Variants in ZNF233 observed in about 807,000 individuals in gnomAD.
ZNF233 encodes the protein zinc finger protein 233.
ZNF233 carries 7 observed loss-of-function variants against 11.6 expected under a neutral mutation model. The observed-to-expected ratio is 0.60, with a 90% CI of 0.34 to 1.13. The LOEUF is 1.13. Ranked by LOEUF, ZNF233 falls within the 50% of genes most tolerant of loss-of-function variation. ZNF233 has a pLI of 0.03. For missense variants in ZNF233, 711 were observed against 785.5 expected (o/e 0.91, Z 1.13); for synonymous variants, 226 against 268.5 (o/e 0.84, Z 1.55).
chr19:44,271,642 C>T (rs911382886), intron 4 of ZNF233, among the ~76,000 whole-genome samples: 2 of 151,816 alleles, frequency 1.3e-5, no homozygotes, highest in East Asian at 2.0e-4. Flanking sequence ...CCCGAGTAGC[C>T]GGGACTACAG....
chr19:44,274,217 G>C lies in ZNF233; in HGVS notation c.1557G>C (p.Gln519His). The C allele has an allele frequency of 1.2e-6, 2 of 1,606,624 alleles. No individual in the cohort carries two copies. Among genetic ancestry groups the C allele is most frequent in the Non-Finnish European group, 1.7e-6 (2 of 1,174,024 alleles). ...ACACATGTGGGAAGGACTTCAGTCA[G>C]ATCTCTCATCTTCAGGCCCATCAGA... Reference protein sequence around the residue: ...KCDTCGKDFSQISHLQAHQRV... With the variant: ...KCDTCGKDFSHISHLQAHQRV... The change falls in exon 5 of 5, where the codon CAG becomes CAC. Residue 519 changes from glutamine (Q) to histidine (H), a missense_variant. Gln to His is a conservative substitution (Grantham distance 24). Coordinates refer to ENST00000683810, the MANE Select transcript of ZNF233 (RefSeq NM_001207005.2).
rs749409955 is a variant in ZNF233, at chr19:44,263,120, CCA to C, written c.-47-1191_-47-1190del. On this transcript the variant is annotated intron_variant, in intron 1 of 4. Transcript: ENST00000683810. ...ACTTATTGAGAGCTTATATAATGTG[CCA>C]CAGACAGAACCAAGGCTTTTACCCC... Among the ~76,000 whole-genome samples, 6 of 152,204 alleles carry C rather than the reference CCA, an allele frequency of 3.9e-5. No individual in the cohort carries two copies. The East Asian group carries it at 9.6e-4, about 24-fold the overall frequency.
At chr19:44,261,901 C>T (rs145988306) in intron 1 of ZNF233, among the ~76,000 whole-genome samples, 5,523 of 152,178 alleles carry the variant, frequency 0.036, 176 homozygotes, top group South Asian at 0.083. Context: ...ATCTGCCTGC[C>T]TTGACCTCCT....
At chr19:44,266,828 T>A (rs777635709) in intron 3 of ZNF233, 38 bp from the exon 4 acceptor site, 1 of 1,500,798 alleles carries the variant, frequency 6.7e-7, no homozygotes, top group Admixed American at 1.8e-5. Context: ...TTGACTATAA[T>A]GCATTCACTT....
intron 4 of ZNF233, chr19:44,267,325 T>G: frequency 5.0e-6 from 2 of 400,304 alleles, no homozygotes; most frequent in East Asian, 7.1e-5. Flanking sequence ...AAGACTGCTG[T>G]GTGTTTCTTA....
At chr19:44,260,433 C>G (rs985440494) in intron 1 of ZNF233, among the ~76,000 whole-genome samples, 2 of 151,806 alleles carry the variant, frequency 1.3e-5, no homozygotes, top group African/African-American at 4.9e-5. Flanking sequence ...GCAGTGGGTT[C>G]TGAGCTCCAG....
Position 44,261,726 on chromosome 19 carries a change from A to T in ZNF233, c.-48+1788A>T, listed in dbSNP as rs1027854154. Reference sequence around the variant, plus strand: ...GAGTGCAGTGGCACGATCTCAGCTCACTGCAACCTCCCACTCCCAGGTTCA... The same window carrying T: ...GAGTGCAGTGGCACGATCTCAGCTCTCTGCAACCTCCCACTCCCAGGTTCA... On this transcript the variant is annotated intron_variant, in intron 1 of 4. Transcript: ENST00000683810. 3.6e-5 allele frequency among the ~76,000 whole-genome samples: 5 copies of T among 139,488 alleles called. No homozygotes were observed. In the East Asian group the frequency reaches 6.3e-4, roughly 18 times the overall value. 91.5% of individuals were successfully genotyped at this position (139,488 alleles called of 152,430 possible).
rs754581888 is a variant in ZNF233 at position 44,272,951 on chromosome 19, C to G, written c.291C>G (p.Phe97Leu). 2 of 1,609,232 alleles carry G rather than the reference C, an allele frequency of 1.2e-6. No individual in the cohort carries two copies. The highest frequency in any genetic ancestry group is 1.7e-6 in the Non-Finnish European group (2 of 1,178,880). ...IDTLQEVRLR[F>L]LSYEDLICWQ... Reference sequence around the variant, plus strand: ...CCCTTCAAGAAGTAAGATTAAGATTCCTTTCATATGAAGACCTTATATGCT... The same window carrying G: ...CCCTTCAAGAAGTAAGATTAAGATTGCTTTCATATGAAGACCTTATATGCT... Residue 97 changes from phenylalanine (F) to leucine (L), a missense_variant, in exon 5 of 5, where the codon TTC becomes TTG. Coordinates refer to ENST00000683810, the MANE Select transcript of ZNF233 (RefSeq NM_001207005.2).
chr19:44,264,438 T>A, intron 2 of ZNF233, 63 bp downstream of exon 2: 1 of 1,464,516 alleles, frequency 6.8e-7, no homozygotes, highest in Non-Finnish European at 9.4e-7. Flanking sequence ...GATTAGACAC[T>A]TTTTTTTCTC....
Position 44,274,406 on chromosome 19 carries a change from T to C in ZNF233, c.1746T>C (p.His582=), listed in dbSNP as rs945627970. The C allele has an allele frequency of 5.6e-6, 9 of 1,614,022 alleles. No individual in the cohort carries two copies. In the African/African-American group the frequency reaches 9.3e-5, roughly 17 times the overall value. Residue 582 remains histidine (H), a synonymous_variant, in exon 5 of 5, where the codon CAT becomes CAC. Transcript: ENST00000683810. The part of the protein sequence containing the change: ...GFSWSSHLQA[H]QRVHTGEKPY... Reference sequence around the variant, plus strand: ...GTTGGAGTTCACATCTTCAAGCCCATCAGAGAGTCCACACAGGAGAGAAAC... The same window carrying C: ...GTTGGAGTTCACATCTTCAAGCCCACCAGAGAGTCCACACAGGAGAGAAAC...
At chr19:44,265,072 A>G (rs1040124096) in intron 2 of ZNF233, among the ~76,000 whole-genome samples, 19 of 152,060 alleles carry the variant, frequency 1.2e-4, no homozygotes, top group South Asian at 2.1e-4. Context: ...TATTACCCCA[A>G]AAAGGTCCCT....
intron 4 of ZNF233, among the ~76,000 whole-genome samples, chr19:44,272,466 G>A (rs1975262331): frequency 6.6e-6 from 1 of 151,926 alleles, no homozygotes; most frequent in Non-Finnish European, 1.5e-5. Context: ...TGGGTGCGGT[G>A]GCTCACACCT....
chr19:44,265,310 C>T (rs1391054511), intron 2 of ZNF233, among the ~76,000 whole-genome samples: 1 of 151,142 alleles, frequency 6.6e-6, no homozygotes, highest in Non-Finnish European at 1.5e-5. Flanking sequence ...CAGCTTGCTG[C>T]AAATGCCATT....
Position 44,273,956 on chromosome 19 carries a change from C to T in ZNF233, c.1296C>T (p.Asp432=), listed in dbSNP as rs758155137. 35 of 1,613,076 alleles carry T rather than the reference C, an allele frequency of 2.2e-5. No homozygotes were observed. The highest frequency in any genetic ancestry group is 2.5e-5 in the Non-Finnish European group (30 of 1,179,640). ...AGACATACAAATGGGAAGTAAGTGA[C>T]AGGATATTTAATAGGAATTCTGGTC... ...RDKTYKWEVS[D]RIFNRNSGLH... The change falls in exon 5 of 5, where the codon GAC becomes GAT. Residue 432 remains aspartate (D), a synonymous_variant. Transcript: ENST00000683810.
Position 44,273,337 on chromosome 19 carries a change from G to A in ZNF233, c.677G>A (p.Gly226Glu). The A allele has an allele frequency of 6.2e-7, 1 of 1,614,154 alleles. No homozygotes were observed. The highest frequency in any genetic ancestry group is 1.1e-5 in the South Asian group (1 of 91,076). The change falls in exon 5 of 5, where the codon GGA becomes GAA. Residue 226 changes from glycine (G) to glutamate (E), a missense_variant. Physicochemically the swap from Gly to Glu is moderately conservative, Grantham distance 98 (BLOSUM62 -2). Coordinates refer to ENST00000683810, the MANE Select transcript of ZNF233 (RefSeq NM_001207005.2). ...QRIAHQHDDH[G>E]VHKREKAFSH... ...ATTGCTCATCAACATGATGATCATG[G>A]AGTACACAAAAGAGAGAAAGCTTTT...
In ZNF233 at chr19:44,273,267, G is replaced by A. The variant is rs1395749872; in HGVS notation, c.607G>A (p.Val203Ile). The A allele has an allele frequency of 3.1e-6, 5 of 1,613,928 alleles. No individual in the cohort carries two copies. Among genetic ancestry groups the A allele is most frequent in the Non-Finnish European group, 3.4e-6 (4 of 1,180,024 alleles). ...NYQSRCQQID[V>I]KNKLCKCDHC... is the part of the protein sequence containing the mutation. ...TCAGAGTAGGTGTCAGCAAATTGAT[G>A]TAAAAAATAAGCTCTGTAAATGTGA... The change falls in exon 5 of 5, where the codon GTA (valine) becomes ATA (isoleucine). Residue 203 changes from valine to isoleucine, a missense_variant. Physicochemically the swap from Val to Ile is conservative, Grantham distance 29. Coordinates refer to ENST00000683810, the MANE Select transcript of ZNF233 (RefSeq NM_001207005.2).
rs7256897 is a variant in ZNF233 at position 44,274,717 on chromosome 19, C to T, written c.*44C>T. 1.5e-4 allele frequency: 212 copies of T among 1,438,744 alleles called. 1 individual carries two copies. The African/African-American group carries it at 2.6e-3, about 18-fold the overall frequency. 89.1% of individuals were successfully genotyped at this position (1,438,744 alleles called of 1,614,324 possible). A position where few individuals can be genotyped will look rare whatever the true frequency, so the allele number is the denominator to read the frequency against. On this transcript the variant is annotated 3_prime_UTR_variant, in exon 5 of 5. Coordinates refer to ENST00000683810, the MANE Select transcript of ZNF233 (RefSeq NM_001207005.2). The stretch of plus-strand genomic sequence containing the variant: ...TCATGATGAGTGTGATAGGGGTGCT[C>T]TTCAAGACTTAGACTTCCCATTTTC...
intron 4 of ZNF233, chr19:44,268,295 C>T (rs1330094806): frequency 6.6e-6 from 1 of 151,972 alleles, no homozygotes; most frequent in Non-Finnish European, 1.5e-5. Flanking sequence ...GGTCTCTTTC[C>T]CCATTAGAGT....
chr19:44,268,509 C>T (rs1472696820), intron 4 of ZNF233, among the ~76,000 whole-genome samples: 1 of 152,144 alleles, frequency 6.6e-6, no homozygotes, highest in African/African-American at 2.4e-5. Flanking sequence ...ATTGCTGATC[C>T]TTATTGCCTT....
Sources: allele counts gnomAD v4.1 joint callset (sites outside exome capture counted in the v4.1 genomes callset), GRCh38; gene constraint gnomAD v4.1.1; transcripts MANE v1.5; gene names NCBI Gene and HGNC (gene_info 2026-07-23, HGNC 2026-07-21).